Variants in PDZD7 observed in about 807,000 individuals in gnomAD.
PDZD7 encodes PDZ domain containing 7.
PDZD7 carries 72 observed loss-of-function variants against 84.7 expected under a neutral mutation model. That is an observed-to-expected ratio of 0.85 (90% CI 0.70 to 1.03). The LOEUF is 1.03. Among genes scored for constraint, PDZD7 ranks in the 50% least tolerant of loss-of-function variants. The pLI is 0.00. For missense variants in PDZD7, 1,490 were observed against 1,412.9 expected (o/e 1.05, Z -0.87); for synonymous variants, 594 against 580.7 (o/e 1.02, Z -0.33).
In PDZD7 at chr10:101,023,487, C is replaced by T. The variant is rs551318046; in HGVS notation, c.491G>A (p.Arg164Gln). 7.4e-6 allele frequency: 12 copies of T among 1,614,084 alleles called. No individual in the cohort carries two copies. Among genetic ancestry groups the T allele is most frequent in the African/African-American group, 4.0e-5 (3 of 75,004 alleles). The change falls in exon 4 of 17, where the codon CGG becomes CAG. Residue 164 changes from arginine (R) to glutamine (Q), a missense_variant. By Grantham distance (43) the Arg-to-Gln change is conservative. Transcript: ENST00000619208. ...TSSSRLHMMVRRMGRVPGIKF... is the reference protein window; with the variant it reads ...TSSSRLHMMVQRMGRVPGIKF... ...GATGCCCGGCACACGGCCCATGCGC[C>T]GAACCATCATGTGCAGGCGGCTGCT...
Position 101,019,133 on chromosome 10 carries a change from C to T in PDZD7, c.1013G>A (p.Ser338Asn). The T allele has an allele frequency of 6.5e-7, 1 of 1,546,416 alleles. No homozygotes were observed. The highest frequency in any genetic ancestry group is 8.7e-7 in the Non-Finnish European group (1 of 1,152,308). ...VSSCASSAPYSSGSLPSDRMD... is the reference protein window; with the variant it reads ...VSSCASSAPYNSGSLPSDRMD... ...GCGGTCCGACGGCAGGGAGCCCGAG[C>T]TGTAGGGGGCGCTGGAGGCGCACGA... The change falls in exon 8 of 17, where the codon AGC (serine) becomes AAC (asparagine). Residue 338 changes from serine to asparagine, a missense_variant. By Grantham distance (46) the Ser-to-Asn change is conservative. Transcript: ENST00000619208.
In PDZD7 at chr10:101,021,979, CT is replaced by C. The variant is rs3832693; in HGVS notation, c.720-35del. ...AGACAGGCGTCAGTCTGATAGGCCC[CT>C]GGCCTGCCCTCCGTTACCCCACTCC... On this transcript the variant is annotated intron_variant, in intron 5 of 16. Transcript: ENST00000619208. 423 of 1,612,640 alleles carry C rather than the reference CT, an allele frequency of 2.6e-4. 3 individuals are homozygous for C. The East Asian group carries it at 9.2e-3, about 35-fold the overall frequency.
At chr10:101,021,697 T>G (rs1432311482) in intron 6 of PDZD7, 101 bp downstream of exon 6, 31 of 1,540,700 alleles carry the variant, frequency 2.0e-5, no homozygotes, top group Non-Finnish European at 2.7e-5. Flanking sequence ...TTCTAGTGGC[T>G]GTGGGAACGT....
rs565469681 is a variant in PDZD7 at position 101,010,192 on chromosome 10, G to A, written c.2617+80C>T. The A allele has an allele frequency of 4.2e-6, 6 of 1,444,400 alleles. No homozygotes were observed. The African/African-American group carries it at 7.1e-5, about 17-fold the overall frequency. The allele number at this position is 1,444,400 out of a possible 1,614,324, so 89.5% of individuals were successfully genotyped here. ...TTACAGGTGTGAGCCTCTGCGCCTG[G>A]CCCAATACTCCTCCAGATTCTTTTC... On this transcript the variant is annotated intron_variant, in intron 15 of 16. Coordinates refer to ENST00000619208, the MANE Select transcript of PDZD7 (RefSeq NM_001195263.2).
At chr10:101,030,486 T>C (rs2134164756) in intron 1 of PDZD7, 102 bp from the exon 2 acceptor site, 2 of 617,778 alleles carry the variant, frequency 3.2e-6, no homozygotes, top group Middle Eastern at 4.3e-4. Flanking sequence ...TGCCCTCCCA[T>C]GCCTTAGGCC....
At chr10:101,023,198 G>A in intron 4 of PDZD7, 1 of 568,504 alleles carries the variant, frequency 1.8e-6, no homozygotes. Flanking sequence ...TTCACAGCAG[G>A]AGCAGCGGCA....
rs751477489 is a variant in PDZD7 at position 101,020,694 on chromosome 10, T to G, written c.868-16A>C. The G allele has an allele frequency of 1.9e-6, 3 of 1,608,176 alleles. No individual in the cohort carries two copies. The highest frequency in any genetic ancestry group is 2.6e-6 in the Non-Finnish European group (3 of 1,175,140). On this transcript the variant is annotated splice_polypyrimidine_tract_variant and intron_variant, in intron 6 of 16. Coordinates refer to ENST00000619208, the MANE Select transcript of PDZD7 (RefSeq NM_001195263.2). ...GGCCGGTCTCCTGGGGAGGGGATGG[T>G]GGGCATAGGAGGGAAGGGGGAGCAG...
intron 6 of PDZD7, among the ~76,000 whole-genome samples, chr10:101,020,904 G>A (rs1180614306): frequency 6.6e-6 from 1 of 152,198 alleles, no homozygotes; most frequent in Non-Finnish European, 1.5e-5. Context: ...AGATACAGGG[G>A]CCTTCCTGAA....
At chr10:101,010,084 G>A (rs766650309) in intron 15 of PDZD7, among the ~76,000 whole-genome samples, 188 bp downstream of exon 15, 8 of 151,926 alleles carry the variant, frequency 5.3e-5, no homozygotes, top group Non-Finnish European at 1.0e-4. Flanking sequence ...TAGTGGAAAC[G>A]GGGTTTCGCC....
At chr10:101,017,890 AG>A (rs200173700) in intron 9 of PDZD7, 1 of 201,324 alleles carries the variant, frequency 5.0e-6, no homozygotes. Context: ...AAAGAAAGAA[AG>A]AAAAGAAAGA....
rs1022257951 is a variant in PDZD7 at position 101,030,365 on chromosome 10, C to T, written c.-146G>A. On this transcript the variant is annotated 5_prime_UTR_variant, in exon 2 of 17. Coordinates refer to ENST00000619208, the MANE Select transcript of PDZD7 (RefSeq NM_001195263.2). ...GAAGGCCCTCGCTTGCGATGCCTCT[C>T]AGAAGTGTGAGCTCCAGGCCTGGGC... is the stretch of plus-strand genomic sequence containing the variant. The T allele has an allele frequency of 5.4e-6, 4 of 744,262 alleles. No homozygotes were observed. The highest frequency in any genetic ancestry group is 5.2e-5 in the African/African-American group (3 of 58,064). 46.1% of individuals were successfully genotyped at this position (744,262 alleles called of 1,614,324 possible).
chr10:101,023,179 C>T (rs1227673793), intron 4 of PDZD7: 66 of 497,110 alleles, frequency 1.3e-4, no homozygotes, highest in Middle Eastern at 5.7e-4. Context: ...TGGTGTTTTG[C>T]CTCTGGGTTT....
Position 101,022,325 on chromosome 10 carries a change from G to C in PDZD7, c.603C>G (p.Thr201=). ...TGCGCCGGACACCATCTTCTGAGCT[G>C]GTGTCGGAGGGTGTTGAACCGCACT... is the stretch of plus-strand genomic sequence containing the variant. The part of the protein sequence containing the change: ...VEKCGSTPSD[T]SSEDGVRRIV... Residue 201 remains threonine, a synonymous_variant, in exon 5 of 17, where the codon ACC becomes ACG. Transcript: ENST00000619208. 1 of 1,614,208 alleles carries C rather than the reference G, an allele frequency of 6.2e-7. No individual in the cohort carries two copies. Among genetic ancestry groups the C allele is most frequent in the African/African-American group, 1.3e-5 (1 of 75,048 alleles).
intron 2 of PDZD7, among the ~76,000 whole-genome samples, chr10:101,027,121 G>A (rs1047393811): frequency 1.3e-5 from 2 of 152,166 alleles, no homozygotes; most frequent in Non-Finnish European, 2.9e-5. Context: ...AGTACCCAGA[G>A]TCAGCTTTTA....
In PDZD7 at chr10:101,020,540, TTTC is replaced by T. The variant is rs1415909187; in HGVS notation, c.928+75_928+77del. ...GGTGTAAGCCACCAAGCCTGGCCCT[TTTC>T]TTCTTCAGAGAGCCGGGCCCCACCC... On this transcript the variant is annotated intron_variant, in intron 7 of 16. Transcript: ENST00000619208. 6.5e-6 allele frequency: 9 copies of T among 1,394,656 alleles called. No individual in the cohort carries two copies. In the East Asian group the frequency reaches 2.1e-4, roughly 32 times the overall value. The allele number at this position is 1,394,656 out of a possible 1,614,324, so 86.4% of individuals were successfully genotyped here. A position where few individuals can be genotyped will look rare whatever the true frequency, so the allele number is the denominator to read the frequency against.
At chr10:101,014,703 A>G (rs534371656) in intron 11 of PDZD7, among the ~76,000 whole-genome samples, 13 of 113,612 alleles carry the variant, frequency 1.1e-4, no homozygotes, top group African/African-American at 3.4e-4. Context: ...CACGCTAGCC[A>G]GACACGTGCT....
chr10:101,010,567 G>A lies in PDZD7; in HGVS notation c.2322C>T (p.Ser774=), dbSNP rs1263333351. Residue 774 remains serine, a synonymous_variant, in exon 15 of 17, where the codon AGC becomes AGT. Coordinates refer to ENST00000619208, the MANE Select transcript of PDZD7 (RefSeq NM_001195263.2). ...SQIRGRAQSR[S]RSRSRSRSRS... ...GGCTGCGGCTGCGGCTACGGCTGCG[G>A]CTACGGCTCTGAGCCCGGCCCCGGA... 1.8e-5 allele frequency: 27 copies of A among 1,487,368 alleles called. No individual in the cohort carries two copies. The highest frequency in any genetic ancestry group is 2.4e-5 in the Non-Finnish European group (27 of 1,106,120). 92.1% of individuals were successfully genotyped at this position (1,487,368 alleles called of 1,614,324 possible). A position where few individuals can be genotyped will look rare whatever the true frequency, so the allele number is the denominator to read the frequency against.
intron 9 of PDZD7, chr10:101,017,838 G>GGAAGGAAA (rs1491577173): frequency 9.2e-4 from 155 of 169,352 alleles, no homozygotes; most frequent in African/African-American, 1.8e-3. Flanking sequence ...AAGGAAGGAA[G>GGAAGGAAA]GAAAGAAAGA....
Position 101,021,793 on chromosome 10 carries a change from C to T in PDZD7, c.867+5G>A. The T allele has an allele frequency of 6.2e-7, 1 of 1,614,206 alleles. No individual in the cohort carries two copies. Among genetic ancestry groups the T allele is most frequent in the Admixed American group, 1.7e-5 (1 of 60,034 alleles). Reference sequence around the variant, plus strand: ...ACCTCTCCCTACCCCCACTGTTCTGCCCACCTTGATGGTCAGCATGATGTG... The same window carrying T: ...ACCTCTCCCTACCCCCACTGTTCTGTCCACCTTGATGGTCAGCATGATGTG... On this transcript the variant is annotated splice_donor_5th_base_variant and intron_variant, in intron 6 of 16. Coordinates refer to ENST00000619208, the MANE Select transcript of PDZD7 (RefSeq NM_001195263.2).
Sources: allele counts gnomAD v4.1 joint callset (sites outside exome capture counted in the v4.1 genomes callset), GRCh38; gene constraint gnomAD v4.1.1; transcripts MANE v1.5; gene names NCBI Gene and HGNC (gene_info 2026-07-23, HGNC 2026-07-21).